The following CTIF variants were observed in gnomAD, a reference collection of about 807,000 sequenced individuals.
CTIF encodes CBP80/20-dependent translation initiation factor.
In CTIF, 21 loss-of-function variants were observed where a neutral mutation model predicts 66.0. That is an observed-to-expected ratio of 0.32 (90% CI 0.23 to 0.46). CTIF has a LOEUF of 0.46. Among genes scored for constraint, CTIF ranks in the 20% least tolerant of loss-of-function variants. CTIF has a pLI of 1.00. For synonymous variants in CTIF, 345 were observed against 326.4 expected (o/e 1.06, Z -0.62); for missense variants, 739 against 812.7 (o/e 0.91, Z 1.10).
chr18:48,750,806 C>T (rs1598975435), intron 7 of CTIF, among the ~76,000 whole-genome samples: 2 of 152,250 alleles, frequency 1.3e-5, no homozygotes, highest in African/African-American at 4.8e-5. Flanking sequence ...CCACAGCTCC[C>T]TCCTTGCTGA....
chr18:48,596,282 G>T (rs1043998226), intron 1 of CTIF, among the ~76,000 whole-genome samples: 1 of 152,132 alleles, frequency 6.6e-6, no homozygotes, highest in Non-Finnish European at 1.5e-5. Flanking sequence ...TGATCACAGG[G>T]GCCCAAGCTC....
At chr18:48,695,043 G>A (rs972253327) in intron 6 of CTIF, among the ~76,000 whole-genome samples, 1 of 152,174 alleles carries the variant, frequency 6.6e-6, no homozygotes, top group African/African-American at 2.4e-5. Context: ...ACTTGTCAGG[G>A]AGATCTATTA....
chr18:48,711,408 A>T (rs909512729), intron 6 of CTIF, among the ~76,000 whole-genome samples: 2 of 152,156 alleles, frequency 1.3e-5, no homozygotes, highest in African/African-American at 4.8e-5. Context: ...CTGTTCTTTG[A>T]TTCTGTAATT....
intron 9 of CTIF, among the ~76,000 whole-genome samples, chr18:48,781,810 C>T (rs1005353496): frequency 1.3e-5 from 2 of 152,158 alleles, no homozygotes; most frequent in Non-Finnish European, 2.9e-5. Flanking sequence ...ACTAATTTGA[C>T]ATATGAACTT....
At chr18:48,666,420 C>G (rs2091436402) in intron 5 of CTIF, among the ~76,000 whole-genome samples, 1 of 152,236 alleles carries the variant, frequency 6.6e-6, no homozygotes. Flanking sequence ...AGCAAAGTAA[C>G]TTGCCTGAAT....
intron 1 of CTIF, among the ~76,000 whole-genome samples, chr18:48,573,807 G>A (rs1441610796): frequency 6.6e-6 from 1 of 152,230 alleles, no homozygotes; most frequent in Non-Finnish European, 1.5e-5. Flanking sequence ...ATCACTGTGC[G>A]GGGACGGGAA....
At chr18:48,687,116 AACGGGAGC>A (rs1193683045) in intron 6 of CTIF, among the ~76,000 whole-genome samples, 1 of 152,078 alleles carries the variant, frequency 6.6e-6, no homozygotes. Flanking sequence ...CAAGAGGAGC[AACGGGAGC>A]AGATGGTGTC....
chr18:48,689,212 T>G (rs1380344316), intron 6 of CTIF, among the ~76,000 whole-genome samples: 1 of 152,274 alleles, frequency 6.6e-6, no homozygotes. Context: ...GCCTGTGGCT[T>G]CCTTTTTCAT....
At chr18:48,832,294 C>T (rs1280967916) in intron 10 of CTIF, among the ~76,000 whole-genome samples, 1 of 151,994 alleles carries the variant, frequency 6.6e-6, no homozygotes, top group Non-Finnish European at 1.5e-5. Flanking sequence ...ACCTCAGCCC[C>T]CCAAGTAGTT....
At chr18:48,831,170 A>G (rs2068683757) in intron 10 of CTIF, among the ~76,000 whole-genome samples, 1 of 152,130 alleles carries the variant, frequency 6.6e-6, no homozygotes, top group Non-Finnish European at 1.5e-5. Flanking sequence ...ACCCCCCATC[A>G]CCCCAGCAAG....
intron 10 of CTIF, among the ~76,000 whole-genome samples, chr18:48,837,339 G>T (rs1048994124): frequency 6.6e-6 from 1 of 152,112 alleles, no homozygotes; most frequent in African/African-American, 2.4e-5. Context: ...TTTAGCAGGG[G>T]CCTGGCACAC....
chr18:48,669,921 C>T (rs548987339), intron 5 of CTIF, among the ~76,000 whole-genome samples: 62 of 147,058 alleles, frequency 4.2e-4, no homozygotes, highest in Admixed American at 2.7e-3. Flanking sequence ...ACTCCAGATA[C>T]ATTCATTAAT....
intron 7 of CTIF, among the ~76,000 whole-genome samples, chr18:48,722,658 G>A (rs997842918): frequency 4.7e-5 from 7 of 149,848 alleles, no homozygotes; most frequent in South Asian, 2.1e-4. Flanking sequence ...GCACCCGGCC[G>A]TACCCATCAG....
intron 2 of CTIF, among the ~76,000 whole-genome samples, chr18:48,635,600 T>C (rs12955352): frequency 0.61 from 92,533 of 151,992 alleles, 31,145 homozygotes; most frequent in East Asian, 0.94. Flanking sequence ...TGCTGGATTA[T>C]AGGTGTGAGC....
intron 6 of CTIF, among the ~76,000 whole-genome samples, chr18:48,678,666 C>T (rs1020450607): frequency 5.1e-4 from 77 of 151,178 alleles, no homozygotes; most frequent in African/African-American, 1.7e-3. Flanking sequence ...GAAAGTTCCT[C>T]GGGAAGAGGC....
chr18:48,598,568 AG>A (rs2090029417), intron 1 of CTIF, among the ~76,000 whole-genome samples: 1 of 152,156 alleles, frequency 6.6e-6, no homozygotes. Flanking sequence ...TTAAAATTTA[AG>A]GTCAGAACTT....
In CTIF at chr18:48,696,197, G is replaced by A. The variant is rs74579934; in HGVS notation, c.508-15422G>A. Among the ~76,000 whole-genome samples, 407 of 152,348 alleles carry A rather than the reference G, an allele frequency of 2.7e-3. 2 individuals are homozygous for A. Among genetic ancestry groups the A allele is most frequent in the African/African-American group, 9.4e-3 (389 of 41,584 alleles). On this transcript the variant is annotated intron_variant, in intron 6 of 11. Coordinates refer to ENST00000256413, the MANE Select transcript of CTIF (RefSeq NM_014772.3). The stretch of plus-strand genomic sequence containing the variant: ...CTCTGGCATGGGGCGGGGGGCTTAG[G>A]AGTCCCTGGAGTCCCCTAGTCTTTG...
chr18:48,717,401 A>T (rs1395047754), intron 7 of CTIF, among the ~76,000 whole-genome samples: 5 of 143,794 alleles, frequency 3.5e-5, no homozygotes, highest in Admixed American at 1.4e-4. Context: ...TCTGTCTTTA[A>T]AAAATAAATA....
intron 10 of CTIF, among the ~76,000 whole-genome samples, chr18:48,833,593 C>T (rs1363141393): frequency 6.6e-6 from 1 of 152,182 alleles, no homozygotes; most frequent in African/African-American, 2.4e-5. Flanking sequence ...TGCACAGTGT[C>T]CCCCTTCCGG....
Sources: gnomAD v4.1 joint callset for allele counts (sites outside exome capture counted in the v4.1 genomes callset) on GRCh38, gnomAD v4.1.1 for gene constraint, MANE v1.5 for transcripts, NCBI Gene and HGNC (gene_info 2026-07-23, HGNC 2026-07-21) for gene names.